NKAIN3: variants seen among roughly 807,000 people sequenced by gnomAD.
The protein encoded by NKAIN3 is sodium/potassium transporting ATPase interacting 3.
In NKAIN3, 25 loss-of-function variants were observed where a neutral mutation model predicts 30.2. That is an observed-to-expected ratio of 0.83 (90% CI 0.60 to 1.16). NKAIN3 has a LOEUF of 1.16. Among genes scored for constraint, NKAIN3 ranks in the 50% most tolerant of loss-of-function variants. The pLI is 0.00. For synonymous variants in NKAIN3, 91 were observed against 89.6 expected (o/e 1.02, Z -0.09); for missense variants, 225 against 254.1 (o/e 0.89, Z 0.78).
chr8:62,803,792 C>T (rs1017588563), intron 4 of NKAIN3, among the ~76,000 whole-genome samples: 6 of 151,934 alleles, frequency 3.9e-5, no homozygotes, highest in Non-Finnish European at 8.8e-5. Flanking sequence ...AATAGCAACA[C>T]AAAAACCCTT....
At chr8:62,484,072 G>T (rs1324185882) in intron 1 of NKAIN3, among the ~76,000 whole-genome samples, 1 of 152,190 alleles carries the variant, frequency 6.6e-6, no homozygotes, top group African/African-American at 2.4e-5. Context: ...GGTAGGTGCT[G>T]CCCTCCTGTT....
intron 3 of NKAIN3, among the ~76,000 whole-genome samples, chr8:62,613,092 G>A (rs1018619293): frequency 2.6e-5 from 4 of 151,964 alleles, no homozygotes; most frequent in African/African-American, 9.7e-5. Context: ...GTGTTTTTCT[G>A]TGTACTTATT....
intron 1 of NKAIN3, among the ~76,000 whole-genome samples, chr8:62,371,451 TTGG>T (rs1475077606): frequency 1.3e-5 from 2 of 151,898 alleles, no homozygotes; most frequent in East Asian, 3.9e-4. Flanking sequence ...AGACAATCCA[TTGG>T]TTACCTGTTT....
chr8:62,459,980 G>A (rs1166884834), intron 1 of NKAIN3, among the ~76,000 whole-genome samples: 2 of 152,186 alleles, frequency 1.3e-5, no homozygotes, highest in African/African-American at 4.8e-5. Context: ...GCTATTGTGA[G>A]AATAGACTGT....
At chr8:62,399,279 G>C (rs1169096669) in intron 1 of NKAIN3, among the ~76,000 whole-genome samples, 1 of 152,166 alleles carries the variant, frequency 6.6e-6, no homozygotes, top group Non-Finnish European at 1.5e-5. Context: ...GCCGAGGCGG[G>C]TAGATCGCTT....
chr8:62,398,887 C>T (rs1247864313), intron 1 of NKAIN3, among the ~76,000 whole-genome samples: 5 of 152,102 alleles, frequency 3.3e-5, no homozygotes, highest in African/African-American at 7.2e-5. Context: ...GTCAGGAGAT[C>T]GAGACCATCC....
chr8:62,318,849 A>C (rs1259243435), intron 1 of NKAIN3, among the ~76,000 whole-genome samples: 1 of 152,166 alleles, frequency 6.6e-6, no homozygotes, highest in African/African-American at 2.4e-5. Flanking sequence ...TGGCCTCATA[A>C]AATGAGTTAG....
chr8:62,771,732 A>T (rs943156305), intron 4 of NKAIN3, among the ~76,000 whole-genome samples: 2 of 152,278 alleles, frequency 1.3e-5, no homozygotes, highest in Admixed American at 1.3e-4. Flanking sequence ...CACTATAGTT[A>T]AAATGCTGAA....
intron 4 of NKAIN3, among the ~76,000 whole-genome samples, chr8:62,840,112 C>A (rs1032621698): frequency 5.3e-5 from 8 of 152,024 alleles, no homozygotes; most frequent in Non-Finnish European, 2.9e-5. Flanking sequence ...GAATAAATGG[C>A]TTTTGTAAAT....
chr8:62,805,184 C>A (rs1818230892), intron 4 of NKAIN3, among the ~76,000 whole-genome samples: 1 of 151,880 alleles, frequency 6.6e-6, no homozygotes, highest in South Asian at 2.1e-4. Flanking sequence ...ATTCCATGCT[C>A]ATGGGTAGGA....
intron 1 of NKAIN3, among the ~76,000 whole-genome samples, chr8:62,518,516 A>G (rs1045514262): frequency 2.6e-5 from 4 of 152,152 alleles, no homozygotes; most frequent in Non-Finnish European, 5.9e-5. Flanking sequence ...ATCAAATAGG[A>G]TAATGCATGT....
At chr8:62,330,466 C>T (rs926376692) in intron 1 of NKAIN3, among the ~76,000 whole-genome samples, 4 of 151,838 alleles carry the variant, frequency 2.6e-5, no homozygotes, top group African/African-American at 7.3e-5. Flanking sequence ...AGGTTAGAAT[C>T]GACAGATTTG....
At chr8:62,456,475 C>T (rs954843388) in intron 1 of NKAIN3, among the ~76,000 whole-genome samples, 4 of 151,152 alleles carry the variant, frequency 2.6e-5, no homozygotes, top group Admixed American at 6.6e-5. Flanking sequence ...GCCGAGATGG[C>T]GCCACTGCAC....
chr8:62,867,868 T>C (rs1228864844), intron 4 of NKAIN3, among the ~76,000 whole-genome samples: 1 of 152,254 alleles, frequency 6.6e-6, no homozygotes, highest in Non-Finnish European at 1.5e-5. Context: ...ATAGATCCCT[T>C]TGTTTTATGT....
intron 1 of NKAIN3, among the ~76,000 whole-genome samples, chr8:62,372,621 A>G (rs1044281579): frequency 3.3e-5 from 5 of 152,164 alleles, no homozygotes; most frequent in Admixed American, 3.3e-4. Flanking sequence ...TTTGATAGCT[A>G]TAATTTAAAA....
chr8:62,689,863 G>C (rs937158254), intron 3 of NKAIN3, among the ~76,000 whole-genome samples: 3 of 151,868 alleles, frequency 2.0e-5, no homozygotes, highest in South Asian at 2.1e-4. Flanking sequence ...AACGAGCCCT[G>C]AGAAAAATTA....
At chr8:62,699,469 A>T (rs188745797) in intron 3 of NKAIN3, among the ~76,000 whole-genome samples, 106 of 152,334 alleles carry the variant, frequency 7.0e-4, no homozygotes, top group African/African-American at 2.3e-3. Context: ...ATCTGATTAC[A>T]TGATTGCTTC....
chr8:62,419,724 G>T (rs1462976124), intron 1 of NKAIN3, among the ~76,000 whole-genome samples: 1 of 152,166 alleles, frequency 6.6e-6, no homozygotes, highest in Non-Finnish European at 1.5e-5. Flanking sequence ...AATGCTGGCT[G>T]CCATTCATAG....
intron 1 of NKAIN3, among the ~76,000 whole-genome samples, chr8:62,368,925 G>T (rs1290828621): frequency 6.6e-6 from 1 of 151,488 alleles, no homozygotes; most frequent in Admixed American, 6.6e-5. Context: ...CTTTTAGAGA[G>T]TCTCCCTTGC....
Sources: allele counts gnomAD v4.1 joint callset (sites outside exome capture counted in the v4.1 genomes callset), GRCh38; gene constraint gnomAD v4.1.1; transcripts MANE v1.5; gene names NCBI Gene and HGNC (gene_info 2026-07-23, HGNC 2026-07-21).